NTRK3: variants seen among roughly 807,000 people sequenced by gnomAD.
NTRK3 encodes the protein neurotrophic receptor tyrosine kinase 3, also known as NT-3 growth factor receptor.
NTRK3 carries 24 observed loss-of-function variants against 91.7 expected under a neutral mutation model. That is an observed-to-expected ratio of 0.26 (90% confidence interval 0.19 to 0.37). The LOEUF (loss-of-function observed/expected upper bound fraction) is 0.37. Ranked by LOEUF, NTRK3 falls within the 10% of genes least tolerant of loss-of-function variation. The pLI is 1.00. For missense variants in NTRK3, 880 were observed against 1,068.9 expected (o/e 0.82, Z 2.46); for synonymous variants, 483 against 404.0 (o/e 1.20, Z -2.34).
intron 13 of NTRK3, among the ~76,000 whole-genome samples, chr15:88,066,276 G>A (rs1166701225): frequency 6.6e-6 from 1 of 152,222 alleles, no homozygotes; most frequent in Non-Finnish European, 1.5e-5. Flanking sequence ...TTAAAGACAA[G>A]TTCCTCCTCC....
At chr15:88,180,499 A>G (rs78100934) in intron 5 of NTRK3, among the ~76,000 whole-genome samples, 1,551 of 152,286 alleles carry the variant, frequency 0.01, 33 homozygotes, top group African/African-American at 0.035. Context: ...AACTTTGTCA[A>G]TTCATTTTCT....
At chr15:87,937,419 A>G (rs555220988) in intron 15 of NTRK3, among the ~76,000 whole-genome samples, 1 of 152,328 alleles carries the variant, frequency 6.6e-6, no homozygotes, top group East Asian at 1.9e-4. Context: ...GAAAAAGCAT[A>G]AAAACATTGG....
chr15:87,864,496 A>C (rs2064610411), exon 19 of NTRK3: 1 of 229,544 alleles, frequency 4.4e-6, no homozygotes, highest in South Asian at 1.8e-4. Flanking sequence ...TGAAATCCTT[A>C]AATAATCAGC....
At chr15:87,863,735 T>C in exon 19 of NTRK3, 1 of 228,532 alleles carries the variant, frequency 4.4e-6, no homozygotes, top group Non-Finnish European at 8.7e-6. Context: ...ACTGATTTCT[T>C]TTTCTGATAC....
At chr15:88,015,631 T>G (rs1332877858) in intron 14 of NTRK3, among the ~76,000 whole-genome samples, 1 of 152,092 alleles carries the variant, frequency 6.6e-6, no homozygotes, top group Non-Finnish European at 1.5e-5. Flanking sequence ...TGCTCATATC[T>G]CCAGAACTGT....
chr15:88,172,092 A>G (rs1448541964), intron 5 of NTRK3, among the ~76,000 whole-genome samples: 2 of 152,222 alleles, frequency 1.3e-5, no homozygotes, highest in African/African-American at 2.4e-5. Context: ...ACCCAGAACA[A>G]TCGCAGTGGC....
At position 88,243,040 on chromosome 15, in the gene NTRK3, C is replaced by G. The variant is rs975008843; in HGVS notation, c.248+12866G>C. ...GGAGGAGGAGCTGCAGCTGCAGGCCCTAAAAATTAGGCCCTTCTTTCCACC... is the reference window on the plus strand; with the variant it reads ...GGAGGAGGAGCTGCAGCTGCAGGCCGTAAAAATTAGGCCCTTCTTTCCACC... On this transcript the variant is annotated intron_variant, in intron 3 of 18. Coordinates refer to ENST00000394480, the Ensembl canonical transcript of NTRK3. This position sits in a 1 kb window ranked among gnomAD's most constrained non-coding sequence, Gnocchi z 4.8. 2.0e-5 allele frequency among the ~76,000 whole-genome samples: 3 copies of G among 152,210 alleles called. No homozygotes were observed. The highest frequency in any genetic ancestry group is 4.8e-5 in the African/African-American group (2 of 41,456).
chr15:87,993,595 G>T (rs1206993067), intron 14 of NTRK3, among the ~76,000 whole-genome samples: 2 of 152,134 alleles, frequency 1.3e-5, no homozygotes, highest in African/African-American at 2.4e-5. Context: ...CTCAGTTTAG[G>T]CAGTGCAGGT....
At chr15:88,173,402 G>A (rs538481049) in intron 5 of NTRK3, among the ~76,000 whole-genome samples, 1 of 152,216 alleles carries the variant, frequency 6.6e-6, no homozygotes, top group Non-Finnish European at 1.5e-5. Context: ...ATCCAGGGCT[G>A]GTGTAGCCCC....
intron 17 of NTRK3, among the ~76,000 whole-genome samples, chr15:87,917,364 C>A (rs868502880): frequency 9.9e-5 from 15 of 152,116 alleles, no homozygotes; most frequent in African/African-American, 3.4e-4. Context: ...GTGAGCAAAC[C>A]ATCTGTCTGG....
chr15:88,199,151 A>G (rs998039730), intron 3 of NTRK3, among the ~76,000 whole-genome samples: 2 of 152,166 alleles, frequency 1.3e-5, no homozygotes, highest in African/African-American at 4.8e-5. Flanking sequence ...TGGCTGGTAG[A>G]CTGGAATATT....
At chr15:88,078,262 C>T (rs2047731978) in intron 13 of NTRK3, among the ~76,000 whole-genome samples, 1 of 152,158 alleles carries the variant, frequency 6.6e-6, no homozygotes, top group South Asian at 2.1e-4. Context: ...TACAGAAAGT[C>T]CCTGCTCTCA....
At chr15:87,940,458 TG>T (rs1380674086) in intron 15 of NTRK3, among the ~76,000 whole-genome samples, 164 bp downstream of exon 15, 1 of 152,180 alleles carries the variant, frequency 6.6e-6, no homozygotes, top group Non-Finnish European at 1.5e-5. Context: ...CAAAGGAAGT[TG>T]TTTTGGTCCC....
At chr15:88,228,478 T>G (rs945697203) in intron 3 of NTRK3, among the ~76,000 whole-genome samples, 2 of 152,134 alleles carry the variant, frequency 1.3e-5, no homozygotes, top group Admixed American at 6.5e-5. Flanking sequence ...TGTCTACACC[T>G]GCACTCAGAG....
At chr15:88,184,347 G>C in intron 3 of NTRK3, 48 bp from the exon 4 acceptor site, 1 of 1,585,814 alleles carries the variant, frequency 6.3e-7, no homozygotes, top group Non-Finnish European at 8.6e-7. Context: ...CAACAGAAAT[G>C]GGGCTGGCTT....
intron 13 of NTRK3, among the ~76,000 whole-genome samples, chr15:88,052,589 A>G (rs555782932): frequency 6.6e-6 from 1 of 152,334 alleles, no homozygotes; most frequent in East Asian, 1.9e-4. Context: ...GCATTGTATG[A>G]TACTTTAAAG....
intron 14 of NTRK3, among the ~76,000 whole-genome samples, chr15:87,994,352 C>T (rs1196472085): frequency 6.6e-6 from 1 of 152,168 alleles, no homozygotes; most frequent in Non-Finnish European, 1.5e-5. Flanking sequence ...AGGATGGGCC[C>T]TAATCCAATA....
chr15:87,932,967 C>G (rs760778298), intron 16 of NTRK3, 45 bp downstream of exon 16: 28 of 1,607,638 alleles, frequency 1.7e-5, no homozygotes, highest in Non-Finnish European at 2.2e-5. Context: ...CCCAAGGGTT[C>G]GGTGGGACTG....
Position 87,991,289 on chromosome 15 carries a change from G to A in NTRK3, c.1585+41568C>T, listed in dbSNP as rs539998649. ...CAGACTGACAGCAACAGGATCACCA[G>A]GAGTTTGTCAGAAATGCAGCATCTC... On this transcript the variant is annotated intron_variant, in intron 14 of 18. Coordinates refer to ENST00000394480, the Ensembl canonical transcript of NTRK3. Among the ~76,000 whole-genome samples, 3 of 152,290 alleles carry A rather than the reference G, an allele frequency of 2.0e-5. No homozygotes were observed. In the South Asian group the frequency reaches 6.2e-4, roughly 32 times the overall value.
Sources: allele counts gnomAD v4.1 joint callset (sites outside exome capture counted in the v4.1 genomes callset), GRCh38; gene constraint gnomAD v4.1.1; non-coding constraint Gnocchi (gnomAD v3.1); transcripts MANE v1.5; gene names NCBI Gene and HGNC (gene_info 2026-07-23, HGNC 2026-07-21).